SAGE1: variants seen among roughly 807,000 people sequenced by gnomAD.
The protein encoded by SAGE1 is cancer/testis antigen 14.
Under a neutral mutation model 55.4 loss-of-function variants are expected in SAGE1, and 55 were observed. The observed-to-expected ratio is 0.99, with a 90% CI of 0.80 to 1.24. The LOEUF (loss-of-function observed/expected upper bound fraction) is 1.24. Ranked by LOEUF, SAGE1 falls within the 50% of genes most tolerant of loss-of-function variation. The probability of loss-of-function intolerance (pLI) is 0.00; values close to 1 mark genes in which losing one functional copy is unlikely to be tolerated. For synonymous variants in SAGE1, 240 were observed against 244.3 expected, an observed-to-expected ratio of 0.98 and a Z score of 0.17; for missense variants, 710 against 704.4, an observed-to-expected ratio of 1.01 and a Z score of -0.09.
chrX:135,906,361 T>A (rs782213914), intron 6 of SAGE1, 50 bp from the exon 7 acceptor site: 3 of 1,173,531 alleles, frequency 2.6e-6, no homozygotes, highest in Non-Finnish European at 3.4e-6. Flanking sequence ...TACTTGTGAG[T>A]TGGCATAATG....
rs1467815050 is a variant in SAGE1, at chrX:135,893,780, G to A, written c.-2G>A. Among the ~76,000 whole-genome samples, 1 of 112,009 alleles carries A rather than the reference G, an allele frequency of 8.9e-6. No homozygotes were observed. On this transcript the variant is annotated splice_region_variant and 5_prime_UTR_variant, in exon 1 of 20. Transcript: ENST00000370709. ...AACCTTCTCACACAGCGGGATAAAA[G>A]GGTGAATTTGGAGCTGACAGGCAAA...
chrX:135,901,968 A>G (rs1252812916), intron 3 of SAGE1, among the ~76,000 whole-genome samples: 1 of 111,661 alleles, frequency 9.0e-6, no homozygotes, highest in Non-Finnish European at 1.9e-5. Flanking sequence ...GTGTACTCCA[A>G]TGAAACTACT....
At position 135,906,484 on chromosome X, in the gene SAGE1, G is replaced by A; in HGVS notation, c.669G>A (p.Leu223=). The stretch of plus-strand genomic sequence containing the variant: ...AACCAGCACCTGATAACGTGTTGTT[G>A]ACTCTTCGACCACGGCGTATTAATA... ...NVQPAPDNVL[L]TLRPRRINMT... Residue 223 remains leucine, a synonymous_variant, in exon 7 of 20, where the codon TTG becomes TTA. Coordinates refer to ENST00000370709, the MANE Select transcript of SAGE1 (RefSeq NM_001381902.1). 8.3e-7 allele frequency: 1 copy of A among 1,209,544 alleles called. No individual in the cohort carries two copies. Among genetic ancestry groups the A allele is most frequent in the Non-Finnish European group, 1.1e-6 (1 of 893,437 alleles).
chrX:135,901,757 G>A (rs782689873), intron 3 of SAGE1, 66 bp downstream of exon 3: 2 of 1,027,394 alleles, frequency 1.9e-6, no homozygotes, highest in African/African-American at 3.8e-5. Flanking sequence ...TGTCCTTGAG[G>A]GATGAACAGA....
chrX:135,903,982 A>T (rs1285079442), intron 3 of SAGE1, among the ~76,000 whole-genome samples: 2 of 112,156 alleles, frequency 1.8e-5, no homozygotes, highest in Admixed American at 1.9e-4. Context: ...CATGAAATAA[A>T]TAATTCTTTA....
chrX:135,894,091 A>G (rs1556591823), intron 1 of SAGE1, among the ~76,000 whole-genome samples: 1 of 110,412 alleles, frequency 9.1e-6, no homozygotes, highest in Admixed American at 9.6e-5. Context: ...ACGGAGTTTC[A>G]CTCTTGTTGT....
At chrX:135,903,833 G>A (rs1278668861) in intron 3 of SAGE1, among the ~76,000 whole-genome samples, 2 of 111,981 alleles carry the variant, frequency 1.8e-5, no homozygotes, top group Admixed American at 1.9e-4. Flanking sequence ...ACAAAAACCT[G>A]TGAATGTTTA....
intron 2 of SAGE1, among the ~76,000 whole-genome samples, chrX:135,900,037 A>G (rs2088647514): frequency 9.0e-6 from 1 of 110,919 alleles, no homozygotes; most frequent in Non-Finnish European, 1.9e-5. Context: ...TATGTTGAAT[A>G]GGCGAGGTGA....
At chrX:135,904,673 C>T in intron 4 of SAGE1, 104 bp downstream of exon 4, 1 of 517,726 alleles carries the variant, frequency 1.9e-6, no homozygotes. Context: ...GGCATATTTT[C>T]ATGAATTATA....
chrX:135,907,889 T>C lies in SAGE1; in HGVS notation c.1159+48T>C, dbSNP rs782196369. The C allele has an allele frequency of 4.3e-6, 5 of 1,151,156 alleles. No homozygotes were observed. The East Asian group carries it at 9.0e-5, about 21-fold the overall frequency. The allele number at this position is 1,151,156 out of a possible 1,213,427, so 94.9% of individuals were successfully genotyped here. ...GTGTCCTACTTGGTTTCCATATGCA[T>C]GCATATTGTCATCAAGGGAAGAAGA... On this transcript the variant is annotated intron_variant, in intron 10 of 19. Coordinates refer to ENST00000370709, the MANE Select transcript of SAGE1 (RefSeq NM_001381902.1).
intron 1 of SAGE1, among the ~76,000 whole-genome samples, 168 bp downstream of exon 1, chrX:135,893,949 C>T (rs1556591737): frequency 8.9e-6 from 1 of 112,216 alleles, no homozygotes; most frequent in Non-Finnish European, 1.9e-5. Context: ...AGAATTTGCA[C>T]GCGAAGCCAT....
intron 16 of SAGE1, among the ~76,000 whole-genome samples, 196 bp from the exon 17 acceptor site, chrX:135,910,996 A>G (rs1469711823): frequency 8.9e-6 from 1 of 111,926 alleles, no homozygotes; most frequent in Non-Finnish European, 1.9e-5. Context: ...ATATGCATGC[A>G]TAGTGTCATC....
chrX:135,904,599 A>G lies in SAGE1; in HGVS notation c.313+30A>G, dbSNP rs370442345. ...TATGGCAGCAGCAGGAATTTCATCC[A>G]TGAGTATGAAATTCATCCATGAGTA... On this transcript the variant is annotated intron_variant, in intron 4 of 19. Transcript: ENST00000370709. The G allele has an allele frequency of 1.2e-5, 11 of 931,883 alleles. No homozygotes were observed. In the African/African-American group the frequency reaches 1.2e-4, roughly 10 times the overall value. The allele number at this position is 931,883 out of a possible 1,213,427, so 76.8% of individuals were successfully genotyped here.
At position 135,906,107 on chromosome X, in the gene SAGE1, A is replaced by T; in HGVS notation, c.538A>T (p.Thr180Ser). 2 of 1,207,412 alleles carry T rather than the reference A, an allele frequency of 1.7e-6. No individual in the cohort carries two copies. Among genetic ancestry groups the T allele is most frequent in the Non-Finnish European group, 2.2e-6 (2 of 892,333 alleles). Reference protein sequence around the residue: ...QPDNVLSTGPTGLINMAATPI... With the variant: ...QPDNVLSTGPSGLINMAATPI... ...TGATAACGTCTTGTCAACTGGTCCC[A>T]CAGGGCTTATTAATATGGCAGCAAC... Residue 180 changes from threonine (T) to serine (S), a missense_variant, in exon 6 of 20, where the codon ACA (threonine) becomes TCA (serine). Coordinates refer to ENST00000370709, the MANE Select transcript of SAGE1 (RefSeq NM_001381902.1).
intron 2 of SAGE1, 139 bp from the exon 3 acceptor site, chrX:135,901,420 T>C: frequency 1.7e-6 from 1 of 605,928 alleles, no homozygotes; most frequent in Non-Finnish European, 2.6e-6. Flanking sequence ...TCGTGTATGT[T>C]CAGGGATGAG....
At chrX:135,905,120 C>T in intron 4 of SAGE1, 132 bp from the exon 5 acceptor site, 1 of 615,958 alleles carries the variant, frequency 1.6e-6, no homozygotes, top group African/African-American at 2.2e-5. Context: ...CTTAAGTGGA[C>T]TCAAATCATT....
At chrX:135,909,911 G>A in intron 14 of SAGE1, 119 bp from the exon 15 acceptor site, 1 of 983,878 alleles carries the variant, frequency 1.0e-6, no homozygotes, top group East Asian at 3.1e-5. Flanking sequence ...ATCGCCATCT[G>A]GCATATCCTC....
chrX:135,908,208 C>A lies in SAGE1; in HGVS notation c.1279C>A (p.Pro427Thr). The change falls in exon 11 of 20, where the codon CCC becomes ACC. Residue 427 changes from proline to threonine, a missense_variant. Coordinates refer to ENST00000370709, the MANE Select transcript of SAGE1 (RefSeq NM_001381902.1). The stretch of plus-strand genomic sequence containing the variant: ...TAACTTGGCAGGAGCTGGTATTCCA[C>A]CCATGAGTACCAGGGATCAGTGTAT... ...LINLAGAGIP[P>T]MSTRDQYATV... is the part of the protein sequence containing the mutation. The A allele has an allele frequency of 8.3e-7, 1 of 1,202,723 alleles. No homozygotes were observed. Among genetic ancestry groups the A allele is most frequent in the Non-Finnish European group, 1.1e-6 (1 of 889,487 alleles).
In SAGE1 at chrX:135,911,677, A is replaced by G. The variant is rs782404038; in HGVS notation, c.2245A>G (p.Asn749Asp). The G allele has an allele frequency of 2.5e-6, 3 of 1,208,202 alleles. No individual in the cohort carries two copies. Among genetic ancestry groups the G allele is most frequent in the Non-Finnish European group, 3.4e-6 (3 of 893,394 alleles). ...AAATTCTGATTCACCAGAGCTGATA[A>G]ATATGACAGGACATTGTATGCCACC... ...LSNSDSPELI[N>D]MTGHCMPPNA... The change falls in exon 18 of 20, where the codon AAT becomes GAT. Residue 749 changes from asparagine (N) to aspartate (D), a missense_variant. Coordinates refer to ENST00000370709, the MANE Select transcript of SAGE1 (RefSeq NM_001381902.1).
Sources: allele counts gnomAD v4.1 joint callset (sites outside exome capture counted in the v4.1 genomes callset), GRCh38; gene constraint gnomAD v4.1.1; transcripts MANE v1.5; gene names NCBI Gene and HGNC (gene_info 2026-07-23, HGNC 2026-07-21).